The following RTL4 variants were observed in gnomAD, a reference collection of about 807,000 sequenced individuals.
RTL4 encodes the protein retrotransposon Gag like 4.
A neutral mutation model predicts 5.3 loss-of-function variants in RTL4; 4 were observed. The observed-to-expected ratio is 0.75, with a 90% CI of 0.37 to 1.72. The LOEUF is 1.72. RTL4 is among the 40% of genes most tolerant of loss of function. The probability of loss-of-function intolerance (pLI) is 0.04; values close to 1 mark genes in which losing one functional copy is unlikely to be tolerated. For synonymous variants in RTL4, 98 were observed against 87.3 expected (o/e 1.12, Z -0.68); for missense variants, 260 against 227.1 (o/e 1.14, Z -0.93).
chrX:112,219,282 C>T, the RTL4 span, among the ~76,000 whole-genome samples: 1 of 112,142 alleles, frequency 8.9e-6, no homozygotes, highest in Non-Finnish European at 1.9e-5. Context: ...AATAAGAATT[C>T]CAGAAATAGA....
the RTL4 span, among the ~76,000 whole-genome samples, chrX:112,336,275 T>A: frequency 8.9e-6 from 1 of 111,915 alleles, no homozygotes; most frequent in Non-Finnish European, 1.9e-5. Context: ...AACTTTCTAT[T>A]TTTTGTTTAC....
At chrX:112,324,890 T>C in the RTL4 span, among the ~76,000 whole-genome samples, 1 of 111,753 alleles carries the variant, frequency 8.9e-6, no homozygotes, top group Non-Finnish European at 1.9e-5. Flanking sequence ...TGCCTAAATA[T>C]TCTATTTTTG....
At chrX:112,423,388 C>T in the RTL4 span, among the ~76,000 whole-genome samples, 1 of 110,073 alleles carries the variant, frequency 9.1e-6, no homozygotes, top group Admixed American at 9.8e-5. Flanking sequence ...GCCCCCCGCC[C>T]AAGTGCCCTG....
At chrX:112,336,216 A>G in the RTL4 span, among the ~76,000 whole-genome samples, 1 of 112,142 alleles carries the variant, frequency 8.9e-6, no homozygotes, top group Non-Finnish European at 1.9e-5. Context: ...GTAAGTTCGT[A>G]TAGAAAGTTA....
the RTL4 span, among the ~76,000 whole-genome samples, chrX:112,256,796 A>G: frequency 9.0e-6 from 1 of 111,697 alleles, no homozygotes; most frequent in African/African-American, 3.2e-5. Flanking sequence ...AATAGTATCT[A>G]TATTTGTTAT....
chrX:112,139,178 A>G, the RTL4 span, among the ~76,000 whole-genome samples: 1 of 111,536 alleles, frequency 9.0e-6, no homozygotes, highest in Non-Finnish European at 1.9e-5. Flanking sequence ...AGTGCCATAC[A>G]CATCACATAA....
At chrX:112,130,652 T>C in the RTL4 span, among the ~76,000 whole-genome samples, 2,729 of 110,899 alleles carry the variant, frequency 0.025, 73 homozygotes, top group African/African-American at 0.086. Flanking sequence ...TAAATGGGAG[T>C]ATGACAACTA....
At chrX:112,133,080 T>G in the RTL4 span, among the ~76,000 whole-genome samples, 1 of 112,021 alleles carries the variant, frequency 8.9e-6, no homozygotes, top group African/African-American at 3.2e-5. Context: ...GGGTTCATGG[T>G]GAAATAGCGG....
chrX:112,180,045 G>A, the RTL4 span, among the ~76,000 whole-genome samples: 1 of 111,181 alleles, frequency 9.0e-6, no homozygotes, highest in South Asian at 3.9e-4. Flanking sequence ...GTACAGTGCT[G>A]TATATGGTCA....
chrX:112,092,059 T>G, the RTL4 span, among the ~76,000 whole-genome samples: 1 of 111,867 alleles, frequency 8.9e-6, no homozygotes, highest in Non-Finnish European at 1.9e-5. Flanking sequence ...TTTTGTTAGC[T>G]ATTTGCATGC....
the RTL4 span, among the ~76,000 whole-genome samples, chrX:112,210,572 CTT>C: frequency 5.3e-5 from 6 of 112,258 alleles, no homozygotes; most frequent in Non-Finnish European, 7.5e-5. Flanking sequence ...AGGTTGATTA[CTT>C]TCCTCCAGAT....
At chrX:112,096,444 C>T in the RTL4 span, among the ~76,000 whole-genome samples, 1 of 111,507 alleles carries the variant, frequency 9.0e-6, no homozygotes, top group African/African-American at 3.3e-5. Flanking sequence ...AGTAGTGGCC[C>T]ATTCCAGTAA....
chrX:112,237,263 A>G, the RTL4 span, among the ~76,000 whole-genome samples: 8 of 112,384 alleles, frequency 7.1e-5, no homozygotes, highest in East Asian at 2.0e-3. Flanking sequence ...AATTCACATT[A>G]GAGTTATGGA....
the RTL4 span, among the ~76,000 whole-genome samples, chrX:112,235,510 C>CTATA: frequency 8.9e-6 from 1 of 112,084 alleles, no homozygotes; most frequent in Admixed American, 9.5e-5. Context: ...CAGCACAGGA[C>CTATA]TCTGACTATG....
the RTL4 span, among the ~76,000 whole-genome samples, chrX:112,215,718 T>G: frequency 8.9e-6 from 1 of 112,370 alleles, no homozygotes; most frequent in Non-Finnish European, 1.9e-5. Flanking sequence ...GGGATGTTTC[T>G]TCCTTTTGGC....
At chrX:112,431,443 T>C in the RTL4 span, among the ~76,000 whole-genome samples, 7 of 111,017 alleles carry the variant, frequency 6.3e-5, no homozygotes, top group Non-Finnish European at 1.3e-4. Context: ...CATGACAGAG[T>C]CGCCCTGGAG....
At chrX:112,455,194 G>A (rs1467293346) in exon 1 of RTL4, 1 of 1,209,479 alleles carries the variant, frequency 8.3e-7, no homozygotes, top group African/African-American at 1.8e-5. Flanking sequence ...TGACAAAGGA[G>A]ACAACTCCTC....
At chrX:112,456,279 C>T (rs1926843122) in exon 1 of RTL4, 4 of 308,340 alleles carry the variant, frequency 1.3e-5, no homozygotes, top group Non-Finnish European at 2.4e-5. Context: ...GTTTTGTTTC[C>T]ATCTAAAGAC....
At chrX:112,171,180 G>T in the RTL4 span, among the ~76,000 whole-genome samples, 5 of 111,702 alleles carry the variant, frequency 4.5e-5, no homozygotes, top group South Asian at 3.8e-4. Context: ...TTGCATCAAT[G>T]TTCATCAGGG....
Sources: allele counts gnomAD v4.1 joint callset (sites outside exome capture counted in the v4.1 genomes callset), GRCh38; gene constraint gnomAD v4.1.1; transcripts MANE v1.5; gene names NCBI Gene and HGNC (gene_info 2026-07-23, HGNC 2026-07-21).